The following MCU variants were observed in gnomAD, a reference collection of about 807,000 sequenced individuals.
MCU encodes the protein calcium uniporter protein, mitochondrial.
MCU carries 12 observed loss-of-function variants against 45.2 expected under a neutral mutation model. The observed-to-expected ratio is 0.27, with a 90% CI of 0.17 to 0.43. The LOEUF (loss-of-function observed/expected upper bound fraction) is 0.43. MCU is among the 20% of genes least tolerant of loss of function. The pLI, the probability that MCU is intolerant of heterozygous loss-of-function variation, is 1.00. For synonymous variants in MCU, 160 were observed against 165.1 expected, an observed-to-expected ratio of 0.97 and a Z score of 0.24; for missense variants, 324 against 436.7, an observed-to-expected ratio of 0.74 and a Z score of 2.30.
At chr10:72,845,915 T>A (rs1354335414) in intron 2 of MCU, among the ~76,000 whole-genome samples, 1 of 152,212 alleles carries the variant, frequency 6.6e-6, no homozygotes, top group Non-Finnish European at 1.5e-5. Context: ...TTTTAGAGGT[T>A]TGTATACACC....
chr10:72,768,651 C>T lies in MCU; in HGVS notation c.151-65708C>T, dbSNP rs138039109. On this transcript the variant is annotated intron_variant, in intron 1 of 7. Transcript: ENST00000373053. Reference sequence around the variant, plus strand: ...TAATATATTGTACCATATTTCATTGCCTCTAAGATGCCATCAGTTGTAAGA... The same window carrying T: ...TAATATATTGTACCATATTTCATTGTCTCTAAGATGCCATCAGTTGTAAGA... 3.0e-3 allele frequency among the ~76,000 whole-genome samples: 458 copies of T among 152,208 alleles called. 2 individuals are homozygous for T. The highest frequency in any genetic ancestry group is 4.8e-3 in the Non-Finnish European group (328 of 68,018).
intron 2 of MCU, among the ~76,000 whole-genome samples, chr10:72,846,050 A>T (rs905096894): frequency 2.0e-5 from 3 of 151,810 alleles, no homozygotes; most frequent in Admixed American, 1.3e-4. Flanking sequence ...AGAAATAAAC[A>T]ATTTTTTTTT....
At chr10:72,748,829 G>T (rs925882201) in intron 1 of MCU, among the ~76,000 whole-genome samples, 1 of 152,134 alleles carries the variant, frequency 6.6e-6, no homozygotes, top group African/African-American at 2.4e-5. Flanking sequence ...CTTGACAGTG[G>T]TATTACTTTA....
At chr10:72,850,121 G>A (rs1007955577) in intron 2 of MCU, among the ~76,000 whole-genome samples, 3 of 152,026 alleles carry the variant, frequency 2.0e-5, no homozygotes, top group South Asian at 2.1e-4. Flanking sequence ...CACCATGTTG[G>A]CCAGACTGGT....
intron 1 of MCU, among the ~76,000 whole-genome samples, chr10:72,813,072 A>G (rs559047519): frequency 1.8e-4 from 27 of 152,258 alleles, no homozygotes; most frequent in Admixed American, 6.5e-5. Context: ...TCCTAGCCCA[A>G]CATTCTGGAT....
At chr10:72,883,180 C>T (rs370186982) in intron 6 of MCU, among the ~76,000 whole-genome samples, 2 of 152,144 alleles carry the variant, frequency 1.3e-5, no homozygotes, top group East Asian at 1.9e-4. Context: ...AGACAAATTA[C>T]AGAGGCAGAA....
intron 1 of MCU, among the ~76,000 whole-genome samples, chr10:72,774,079 GTAAAA>G (rs1843853470): frequency 6.6e-6 from 1 of 152,104 alleles, no homozygotes; most frequent in East Asian, 1.9e-4. Context: ...AAATCCACTG[GTAAAA>G]TTAAGTACAC....
chr10:72,764,173 A>G (rs1843694718), intron 1 of MCU, among the ~76,000 whole-genome samples: 1 of 152,164 alleles, frequency 6.6e-6, no homozygotes. Context: ...GTTCCACTAA[A>G]TGATTTAAGA....
At chr10:72,755,408 A>T (rs762354993) in intron 1 of MCU, among the ~76,000 whole-genome samples, 31 of 152,152 alleles carry the variant, frequency 2.0e-4, no homozygotes, top group Non-Finnish European at 4.0e-4. Context: ...TTGGCCTCCC[A>T]AAGTGCTGGG....
chr10:72,752,730 G>A (rs1380494239), intron 1 of MCU, among the ~76,000 whole-genome samples: 1 of 152,164 alleles, frequency 6.6e-6, no homozygotes, highest in Non-Finnish European at 1.5e-5. Context: ...TCATTTGTAG[G>A]CCTGTGGTGT....
intron 1 of MCU, among the ~76,000 whole-genome samples, chr10:72,700,719 TATGAC>T (rs1842749566): frequency 6.6e-6 from 1 of 152,256 alleles, no homozygotes; most frequent in Admixed American, 6.5e-5. Context: ...AATTTGATGA[TATGAC>T]ATCGCATTTT....
intron 1 of MCU, among the ~76,000 whole-genome samples, chr10:72,804,022 A>G (rs1844383287): frequency 1.6e-4 from 1 of 6,214 alleles, no homozygotes; most frequent in African/African-American, 1.7e-3. Context: ...AAGTAAATAT[A>G]TATATATATA....
At chr10:72,870,465 G>A (rs1845524976) in intron 5 of MCU, among the ~76,000 whole-genome samples, 1 of 151,870 alleles carries the variant, frequency 6.6e-6, no homozygotes. Context: ...TTTTTTTTTA[G>A]TAGAGACGGG....
chr10:72,854,699 CTG>C (rs767518873), intron 2 of MCU, among the ~76,000 whole-genome samples: 37 of 152,212 alleles, frequency 2.4e-4, no homozygotes, highest in Non-Finnish European at 4.4e-4. Context: ...TGGTACCAGT[CTG>C]TGGCCTGGGG....
intron 1 of MCU, among the ~76,000 whole-genome samples, chr10:72,699,212 A>G (rs773427502): frequency 1.1e-3 from 169 of 152,282 alleles, no homozygotes; most frequent in Non-Finnish European, 2.1e-3. Flanking sequence ...CACTTTAAAG[A>G]ATCTTAAACG....
rs185405809 is a variant in MCU, at chr10:72,770,089, C to T, written c.151-64270C>T. ...TATTGGTAGTGTGTTGTTTAATTTC[C>T]ACATATTTATGAATTTACCAAATTT... On this transcript the variant is annotated intron_variant, in intron 1 of 7. Coordinates refer to ENST00000373053, the MANE Select transcript of MCU (RefSeq NM_138357.3). 4.0e-5 allele frequency among the ~76,000 whole-genome samples: 6 copies of T among 151,632 alleles called. No individual in the cohort carries two copies. The East Asian group carries it at 1.2e-3, about 29-fold the overall frequency.
intron 1 of MCU, among the ~76,000 whole-genome samples, chr10:72,788,814 A>G (rs1179517154): frequency 5.3e-5 from 8 of 152,316 alleles, no homozygotes; most frequent in Non-Finnish European, 1.5e-5. Flanking sequence ...TTGATTCTTG[A>G]TAAAGTACTT....
At chr10:72,830,614 A>C (rs560486607) in intron 1 of MCU, among the ~76,000 whole-genome samples, 2 of 152,324 alleles carry the variant, frequency 1.3e-5, no homozygotes, top group East Asian at 3.9e-4. Context: ...TTACTACATA[A>C]ACAAATAATG....
chr10:72,855,922 C>T (rs986204392), intron 2 of MCU, among the ~76,000 whole-genome samples: 1 of 152,108 alleles, frequency 6.6e-6, no homozygotes, highest in African/African-American at 2.4e-5. Flanking sequence ...GAAAACATGT[C>T]ACACAAAGGC....
Sources: allele counts gnomAD v4.1 joint callset (sites outside exome capture counted in the v4.1 genomes callset), GRCh38; gene constraint gnomAD v4.1.1; transcripts MANE v1.5; gene names NCBI Gene and HGNC (gene_info 2026-07-23, HGNC 2026-07-21).